The following CCDC7 variants were observed in gnomAD, a reference collection of about 807,000 sequenced individuals.
The protein encoded by CCDC7 is coiled-coil domain-containing protein 7.
A neutral mutation model predicts 196.9 loss-of-function variants in CCDC7; 183 were observed. That is an observed-to-expected ratio of 0.93 (90% confidence interval 0.82 to 1.05). CCDC7 has a LOEUF of 1.05. CCDC7 is among the 50% of genes least tolerant of loss of function. The pLI, the probability that CCDC7 is intolerant of heterozygous loss-of-function variation, is 0.00. For synonymous variants in CCDC7, 525 were observed against 484.6 expected, an observed-to-expected ratio of 1.08 and a Z score of -1.10; for missense variants, 1,540 against 1,482.2, an observed-to-expected ratio of 1.04 and a Z score of -0.64.
intron 25 of CCDC7, among the ~76,000 whole-genome samples, chr10:32,719,316 A>G (rs1433922585): frequency 1.3e-5 from 2 of 152,222 alleles, no homozygotes; most frequent in Non-Finnish European, 2.9e-5. Flanking sequence ...AAAAGTGGCT[A>G]GCCATATGTA....
At chr10:32,663,806 T>C (rs2184486) in intron 20 of CCDC7, among the ~76,000 whole-genome samples, 60,187 of 151,582 alleles carry the variant, frequency 0.4, 12,191 homozygotes, top group East Asian at 0.59. Flanking sequence ...TATAAATAAT[T>C]AAGAACAAGT....
At chr10:32,481,238 T>C (rs1355004869) in intron 8 of CCDC7, among the ~76,000 whole-genome samples, 1 of 152,178 alleles carries the variant, frequency 6.6e-6, no homozygotes, top group African/African-American at 2.4e-5. Flanking sequence ...GCAGGTAGTC[T>C]TGTTTTTTTA....
chr10:32,742,356 G>T (rs2086002499), intron 28 of CCDC7, among the ~76,000 whole-genome samples: 1 of 152,040 alleles, frequency 6.6e-6, no homozygotes, highest in African/African-American at 2.4e-5. Context: ...ATCACCCAAA[G>T]TCCATAGTTT....
At chr10:32,731,955 A>G (rs2084049857) in intron 28 of CCDC7, among the ~76,000 whole-genome samples, 2 of 152,152 alleles carry the variant, frequency 1.3e-5, no homozygotes, top group African/African-American at 4.8e-5. Flanking sequence ...TGGGAGGCTG[A>G]GACAGGAGAA....
At chr10:32,564,715 A>G (rs1401702119) in intron 13 of CCDC7, among the ~76,000 whole-genome samples, 2 of 152,076 alleles carry the variant, frequency 1.3e-5, no homozygotes, top group African/African-American at 2.4e-5. Flanking sequence ...TGACGAGTTA[A>G]TGGGTGCAGC....
At chr10:32,678,162 C>T (rs1399931288) in intron 21 of CCDC7, among the ~76,000 whole-genome samples, 1 of 151,998 alleles carries the variant, frequency 6.6e-6, no homozygotes, top group East Asian at 1.9e-4. Context: ...TATTTTAGTT[C>T]ACTGAGCTTG....
chr10:32,609,162 CTTTG>C (rs1399136177), intron 18 of CCDC7, among the ~76,000 whole-genome samples: 1 of 152,032 alleles, frequency 6.6e-6, no homozygotes, highest in African/African-American at 2.4e-5. Flanking sequence ...TCTGATGTTT[CTTTG>C]TTTATTTTCT....
chr10:32,484,319 A>T (rs1374809760), intron 8 of CCDC7, among the ~76,000 whole-genome samples: 1 of 140,026 alleles, frequency 7.1e-6, no homozygotes, highest in African/African-American at 2.5e-5. Context: ...GTATATAGGA[A>T]TGCTTGTGAT....
intron 33 of CCDC7, 26 bp downstream of exon 34, chr10:32,834,924 C>G (rs766748292): frequency 1.0e-6 from 1 of 1,003,862 alleles, no homozygotes; most frequent in Non-Finnish European, 1.5e-6. Context: ...TTTCAAGTCT[C>G]CTGTTAATGG....
At chr10:32,620,257 G>T (rs1013282983) in intron 18 of CCDC7, among the ~76,000 whole-genome samples, 2 of 151,846 alleles carry the variant, frequency 1.3e-5, no homozygotes, top group African/African-American at 2.4e-5. Flanking sequence ...TTGCATTTTA[G>T]GTTTTCTTGC....
chr10:32,600,978 G>A (rs1024942487), intron 18 of CCDC7, among the ~76,000 whole-genome samples: 1 of 152,078 alleles, frequency 6.6e-6, no homozygotes, highest in Non-Finnish European at 1.5e-5. Flanking sequence ...AGCTTTGCCA[G>A]GTATAGAATT....
intron 25 of CCDC7, among the ~76,000 whole-genome samples, chr10:32,712,656 T>C (rs35990668): frequency 6.6e-6 from 1 of 152,230 alleles, no homozygotes; most frequent in Non-Finnish European, 1.5e-5. Flanking sequence ...TGGTTTATTG[T>C]AACCTATCCT....
At chr10:32,861,722 A>T (rs1475144108) in intron 41 of CCDC7, among the ~76,000 whole-genome samples, 1 of 21,624 alleles carries the variant, frequency 4.6e-5, no homozygotes, top group East Asian at 0.25. Context: ...ACAAATTTAC[A>T]AGAAAAAAAA....
At position 32,792,236 on chromosome 10, in the gene CCDC7, T is replaced by A. The variant is rs77156606; in HGVS notation, c.3014-12779T>A. On this transcript the variant is annotated intron_variant, in intron 29 of 41. Coordinates refer to ENST00000639629, the Ensembl canonical transcript of CCDC7. ...GTGGAAATAAAAGGACAATAAATACTATCATGAATACATATGGAAGTATAA... is the reference window on the plus strand; with the variant it reads ...GTGGAAATAAAAGGACAATAAATACAATCATGAATACATATGGAAGTATAA... Among the ~76,000 whole-genome samples, 20 of 152,326 alleles carry A rather than the reference T, an allele frequency of 1.3e-4. No homozygotes were observed. In the East Asian group the frequency reaches 3.5e-3, roughly 26 times the overall value.
intron 11 of CCDC7, among the ~76,000 whole-genome samples, chr10:32,525,921 C>T (rs550999070): frequency 6.6e-5 from 10 of 152,272 alleles, no homozygotes; most frequent in African/African-American, 1.7e-4. Flanking sequence ...TGCAAGCACC[C>T]CTGTGGTCAC....
intron 20 of CCDC7, 108 bp from the exon 22 acceptor site, chr10:32,663,946 C>T (rs2072079530): frequency 2.7e-6 from 1 of 364,916 alleles, no homozygotes; most frequent in Non-Finnish European, 4.8e-6. Context: ...TTATATTTTA[C>T]ATGTATAAAA....
chr10:32,653,094 T>C (rs1440476547), intron 20 of CCDC7, among the ~76,000 whole-genome samples: 4 of 152,242 alleles, frequency 2.6e-5, no homozygotes, highest in Admixed American at 2.6e-4. Flanking sequence ...TTGTCAATTC[T>C]TTTCCTTCAG....
rs558597911 is a variant in CCDC7 at position 32,724,567 on chromosome 10, A to T, written c.2570-2167A>T. On this transcript the variant is annotated intron_variant, in intron 25 of 41. Coordinates refer to ENST00000639629, the Ensembl canonical transcript of CCDC7. ...AGATGTTTCATTTAAAAATGGGGGG[A>T]TCATTTCACTGCCATGGGAACCCCA... is the stretch of plus-strand genomic sequence containing the variant. 5.9e-5 allele frequency among the ~76,000 whole-genome samples: 9 copies of T among 152,158 alleles called. No homozygotes were observed. In the South Asian group the frequency reaches 1.9e-3, roughly 32 times the overall value.
chr10:32,451,903 T>G (rs747062894), exon 1 of CCDC7: 1 of 1,611,624 alleles, frequency 6.2e-7, no homozygotes. Context: ...TCGGAAAAAT[T>G]ATCAAACATC....
Sources: allele counts gnomAD v4.1 joint callset (sites outside exome capture counted in the v4.1 genomes callset), GRCh38; gene constraint gnomAD v4.1.1; transcripts MANE v1.5; gene names NCBI Gene and HGNC (gene_info 2026-07-23, HGNC 2026-07-21).